The following TTN variants were observed in gnomAD, a reference collection of about 807,000 sequenced individuals.
The protein encoded by TTN is titin, also known as connectin.
A neutral mutation model predicts 3,223.0 loss-of-function variants in TTN; 1,525 were observed. The observed-to-expected ratio is 0.47, with a 90% confidence interval of 0.45 to 0.49. TTN has a LOEUF of 0.49. TTN is among the 20% of genes least tolerant of loss of function. The probability of loss-of-function intolerance (pLI) is 0.00; values close to 1 mark genes in which losing one functional copy is unlikely to be tolerated. For missense variants in TTN, 40,786 were observed against 43,424.0 expected (o/e 0.94, Z 5.40); for synonymous variants, 14,094 against 15,161.0 (o/e 0.93, Z 5.17).
At chr2:178,791,661 A>ATGTGTGTGTG (rs1249000350) in intron 10 of TTN, among the ~76,000 whole-genome samples, 2 of 95,822 alleles carry the variant, frequency 2.1e-5, no homozygotes, top group South Asian at 6.3e-4. Flanking sequence ...ATGTATGTGT[A>ATGTGTGTGTG]TATGTGTGTG....
rs1254023475 is a variant in TTN at position 178,569,397 on chromosome 2, A to G, written c.76735T>C (p.Tyr25579His). Residue 25579 changes from tyrosine to histidine, a missense_variant, in exon 326 of 363, where the codon TAT becomes CAT. By Grantham distance (83) the Tyr-to-His change is moderately conservative (BLOSUM62 2). Transcript: ENST00000589042. ...DNVNRYDSGK[Y>H]TLTLENSSGT... ...CTGCTGTTTTCTAATGTAAGCGTATATTTTCCACTATCATATCGGTTGACA... is the reference window on the plus strand; with the variant it reads ...CTGCTGTTTTCTAATGTAAGCGTATGTTTTCCACTATCATATCGGTTGACA... The G allele has an allele frequency of 1.2e-6, 2 of 1,613,308 alleles. No homozygotes were observed. Among genetic ancestry groups the G allele is most frequent in the Admixed American group, 1.7e-5 (1 of 59,950 alleles).
chr2:178,719,005 G>C (rs769675701), intron 83 of TTN, 32 bp from the exon 84 acceptor site: 2 of 1,541,486 alleles, frequency 1.3e-6, no homozygotes, highest in African/African-American at 1.4e-5. Context: ...GGGAGATAAA[G>C]AGAAGAAAGA....
At position 178,586,795 on chromosome 2, in the gene TTN, G is replaced by C. The variant is rs778476727; in HGVS notation, c.64106C>G (p.Pro21369Arg). 6.2e-7 allele frequency: 1 copy of C among 1,611,466 alleles called. No individual in the cohort carries two copies. The highest frequency in any genetic ancestry group is 8.5e-7 in the Non-Finnish European group (1 of 1,178,936). The change falls in exon 308 of 363, where the codon CCC becomes CGC. Residue 21369 changes from proline (P) to arginine (R), a missense_variant. Transcript: ENST00000589042. ...TTCAGTCACTTCTAATTTCCTTGGG[G>C]GATCCGGCTCACCTAGAAGAAAAAC... ...LASDPLSEPD[P>R]PRKLEVTEMT...
chr2:178,617,130 G>T lies in TTN; in HGVS notation c.47865C>A (p.Asp15955Glu). ...PSEILGPLTA[D>E]DAFVEPTMDL... ...AAAATATCTATTTACCAAATGCATC[G>T]TCAGCGGTGAGAGGACCAAGAATTT... The change falls in exon 255 of 363, where the codon GAC becomes GAA. Residue 15955 changes from aspartate (D) to glutamate (E), a missense_variant. Coordinates refer to ENST00000589042, the MANE Select transcript of TTN (RefSeq NM_001267550.2). 1.2e-6 allele frequency: 2 copies of T among 1,609,874 alleles called. No homozygotes were observed. The highest frequency in any genetic ancestry group is 8.5e-7 in the Non-Finnish European group (1 of 1,177,944).
rs780842435 is a variant in TTN, at chr2:178,666,822, A to G, written c.35875+2T>C. The G allele has an allele frequency of 2.6e-6, 4 of 1,558,512 alleles. No individual in the cohort carries two copies. The East Asian group carries it at 9.4e-5, about 36-fold the overall frequency. ...AAAAGGTGACTTTCTTCCAACTTGT[A>G]CCTGTTGGTGATGGTGTTTTTCTTC... On this transcript the variant is annotated splice_donor_variant, in intron 163 of 362. Coordinates refer to ENST00000589042, the MANE Select transcript of TTN (RefSeq NM_001267550.2). LOFTEE classifies it high-confidence loss of function.
intron 38 of TTN, among the ~76,000 whole-genome samples, chr2:178,768,385 G>C (rs2090902447): frequency 6.6e-6 from 1 of 152,110 alleles, no homozygotes; most frequent in Admixed American, 6.5e-5. Context: ...GTAGACCTAA[G>C]CAACCACCAA....
In TTN at chr2:178,573,030, C is replaced by A. The variant is rs886042474; in HGVS notation, c.73102G>T (p.Asp24368Tyr). ...YMVEIALPEE[D>Y]EWQIVTPPAG... ...GGTGGAGTGACAATCTGCCATTCAT[C>A]TTCCTCTGGCAGGGCAATCTCAACC... is the stretch of plus-strand genomic sequence containing the variant. The change falls in exon 326 of 363, where the codon GAT (aspartate) becomes TAT (tyrosine). Residue 24368 changes from aspartate to tyrosine, a missense_variant. Asp to Tyr is a radical substitution (Grantham distance 160). Coordinates refer to ENST00000589042, the MANE Select transcript of TTN (RefSeq NM_001267550.2). The A allele has an allele frequency of 6.2e-7, 1 of 1,613,106 alleles. No individual in the cohort carries two copies. Among genetic ancestry groups the A allele is most frequent in the Non-Finnish European group, 8.5e-7 (1 of 1,179,464 alleles).
Position 178,705,233 on chromosome 2 carries a change from C to G in TTN, c.29545G>C (p.Gly9849Arg). ...ARMYGITDFR[G>R]LLQAFELLKQ... is the part of the protein sequence containing the mutation. ...AGCAGTTCAAATGCTTGAAGAAGACCTCGGAAGTCAGTGATTCCATACATG... is the reference window on the plus strand; with the variant it reads ...AGCAGTTCAAATGCTTGAAGAAGACGTCGGAAGTCAGTGATTCCATACATG... Residue 9849 changes from glycine (G) to arginine (R), a missense_variant, in exon 103 of 363, where the codon GGT (glycine) becomes CGT (arginine). Gly to Arg is a moderately radical substitution (Grantham distance 125, BLOSUM62 -2). Coordinates refer to ENST00000589042, the MANE Select transcript of TTN (RefSeq NM_001267550.2). 6.2e-7 allele frequency: 1 copy of G among 1,613,688 alleles called. No homozygotes were observed.
At chr2:178,642,870 T>A (rs2061423822) in intron 218 of TTN, among the ~76,000 whole-genome samples, 1 of 151,994 alleles carries the variant, frequency 6.6e-6, no homozygotes. Flanking sequence ...TAATGCTGGA[T>A]AAAATATTTA....
chr2:178,611,785 C>T lies in TTN; in HGVS notation c.50524G>A (p.Glu16842Lys). 6.2e-7 allele frequency: 1 copy of T among 1,612,650 alleles called. No homozygotes were observed. The highest frequency in any genetic ancestry group is 8.5e-7 in the Non-Finnish European group (1 of 1,179,202). ...GTTGGATCTTCAATGGATAGGATTT[C>T]TGTGGGTTCACTTGGGTGGCCAACT... ...AGVGHPSEPT[E>K]ILSIEDPTSP... is the part of the protein sequence containing the mutation. The change falls in exon 268 of 363, where the codon GAA (glutamate) becomes AAA (lysine). Residue 16842 changes from glutamate to lysine, a missense_variant. Glu to Lys is a moderately conservative substitution (Grantham distance 56, BLOSUM62 1). Coordinates refer to ENST00000589042, the MANE Select transcript of TTN (RefSeq NM_001267550.2).
At chr2:178,698,724 G>A (rs1241135791) in intron 112 of TTN, 119 bp downstream of exon 112, 3 of 904,360 alleles carry the variant, frequency 3.3e-6, no homozygotes, top group Non-Finnish European at 5.0e-6. Flanking sequence ...GTGAGTGAAG[G>A]GAGAGGTACC....
Position 178,567,198 on chromosome 2 carries a change from G to T in TTN, c.78934C>A (p.Leu26312Ile). ...GAAATGTCACTGCCACCATCTTGAA[G>T]TGGTGGAGACCATGTTAAAGAGCAT... ...EKCSLTWSPP[L>I]QDGGSDISHY... Residue 26312 changes from leucine (L) to isoleucine (I), a missense_variant, in exon 326 of 363, where the codon CTT (leucine) becomes ATT (isoleucine). By Grantham distance (5) the Leu-to-Ile change is conservative. Coordinates refer to ENST00000589042, the MANE Select transcript of TTN (RefSeq NM_001267550.2). The T allele has an allele frequency of 6.2e-7, 1 of 1,612,868 alleles. No homozygotes were observed. The highest frequency in any genetic ancestry group is 8.5e-7 in the Non-Finnish European group (1 of 1,179,222).
chr2:178,766,750 G>T lies in TTN; in HGVS notation c.9472-138C>A, dbSNP rs2090510413. 4 of 699,508 alleles carry T rather than the reference G, an allele frequency of 5.7e-6. No individual in the cohort carries two copies. The East Asian group carries it at 8.1e-5, about 14-fold the overall frequency. The allele number at this position is 699,508 out of a possible 1,614,324, so 43.3% of individuals were successfully genotyped here. On this transcript the variant is annotated intron_variant, in intron 40 of 362. Transcript: ENST00000589042. ...TATATTATAATGTAATAAGTTGGCT[G>T]ATTATAGCACTCTCTAATTTTTCCT...
chr2:178,698,907 T>C lies in TTN; in HGVS notation c.30690A>G (p.Lys10230=). ...KPPPKRIEVT[K]KAVKKDAKKV... ...TTTTGGCATCTTTCTTCACAGCCTT[T>C]TTGGTAACTAAAAAAAAAAAAAAAG... Residue 10230 remains lysine, a synonymous_variant, in exon 112 of 363, where the codon AAA becomes AAG. Coordinates refer to ENST00000589042, the MANE Select transcript of TTN (RefSeq NM_001267550.2). The C allele has an allele frequency of 6.6e-7, 1 of 1,510,240 alleles. No homozygotes were observed. The highest frequency in any genetic ancestry group is 8.8e-7 in the Non-Finnish European group (1 of 1,136,086). The allele number at this position is 1,510,240 out of a possible 1,614,324, so 93.6% of individuals were successfully genotyped here.
At chr2:178,769,032 G>A (rs781541686) in intron 37 of TTN, 99 bp from the exon 38 acceptor site, 91 of 1,323,726 alleles carry the variant, frequency 6.9e-5, no homozygotes, top group South Asian at 6.4e-4. Context: ...TTTTTAGTGC[G>A]TCTGTTGAGG....
At chr2:178,793,592 A>G (rs2093624592) in intron 8 of TTN, 51 bp from the exon 9 acceptor site, 1 of 1,608,084 alleles carries the variant, frequency 6.2e-7, no homozygotes, top group African/African-American at 1.3e-5. Flanking sequence ...CTTACATAAA[A>G]ATTAGTTCAA....
At position 178,732,070 on chromosome 2, in the gene TTN, G is replaced by C; in HGVS notation, c.16899C>G (p.Val5633=). 1 of 1,601,824 alleles carries C rather than the reference G, an allele frequency of 6.2e-7. No homozygotes were observed. Among genetic ancestry groups the C allele is most frequent in the Non-Finnish European group, 8.5e-7 (1 of 1,172,030 alleles). Reference sequence around the variant, plus strand: ...AGAGGCAAAGTGAACACAAACCTTTGACTATTACAATGCTACTGCAGTGGT... The same window carrying C: ...AGAGGCAAAGTGAACACAAACCTTTCACTATTACAATGCTACTGCAGTGGT... ...GSDHCSSIVI[V]KESPYFTKEF... Residue 5633 remains valine, a synonymous_variant, in exon 57 of 363, where the codon GTC becomes GTG. Coordinates refer to ENST00000589042, the MANE Select transcript of TTN (RefSeq NM_001267550.2).
In TTN at chr2:178,531,455, G is replaced by A. The variant is rs879089055; in HGVS notation, c.105160C>T (p.Pro35054Ser). Residue 35054 changes from proline (P) to serine (S), a missense_variant, in exon 358 of 363, where the codon CCT becomes TCT. Transcript: ENST00000589042. ...TACGCCTCTGTTCTTGTCAGCTCAG[G>A]GAAAACAGATCTGGGGACCTCTTCA... is the stretch of plus-strand genomic sequence containing the variant. Reference protein sequence around the residue: ...RDEEVPRSVFPELTRTEAYAV... With the variant: ...RDEEVPRSVFSELTRTEAYAV... 1.9e-6 allele frequency: 3 copies of A among 1,613,720 alleles called. No homozygotes were observed. The highest frequency in any genetic ancestry group is 2.5e-6 in the Non-Finnish European group (3 of 1,179,882).
rs2055526499 is a variant in TTN at position 178,608,687 on chromosome 2, G to C, written c.52324C>G (p.Leu17442Val). Reference sequence around the variant, plus strand: ...CTGTTTTCAGCTCTTACACGGAAGAGGTACTCTTTTCCTTCAATCAGTTTT... The same window carrying C: ...CTGTTTTCAGCTCTTACACGGAAGACGTACTCTTTTCCTTCAATCAGTTTT... ...VTKLIEGKEY[L>V]FRVRAENRFG... Residue 17442 changes from leucine (L) to valine (V), a missense_variant, in exon 274 of 363, where the codon CTC (leucine) becomes GTC (valine). Physicochemically the swap from Leu to Val is conservative, Grantham distance 32. Coordinates refer to ENST00000589042, the MANE Select transcript of TTN (RefSeq NM_001267550.2). 10 of 1,612,178 alleles carry C rather than the reference G, an allele frequency of 6.2e-6. No individual in the cohort carries two copies. In the South Asian group the frequency reaches 1.1e-4, roughly 18 times the overall value.
Sources: gnomAD v4.1 joint callset for allele counts (sites outside exome capture counted in the v4.1 genomes callset) on GRCh38, gnomAD v4.1.1 for gene constraint, MANE v1.5 for transcripts, NCBI Gene and HGNC (gene_info 2026-07-23, HGNC 2026-07-21) for gene names.